Variants in ZNF318 observed in about 807,000 individuals in gnomAD.
ZNF318 encodes the protein zinc finger protein 318.
Under a neutral mutation model 124.2 loss-of-function variants are expected in ZNF318, and 51 were observed. The ratio of observed to expected loss-of-function variants is 0.41; its 90% CI spans 0.33 to 0.52. ZNF318 has a LOEUF of 0.52. Among genes scored for constraint, ZNF318 ranks in the 20% least tolerant of loss-of-function variants. ZNF318 has a pLI of 0.23. For missense variants in ZNF318, 2,815 were observed against 2,811.2 expected (o/e 1.00, Z -0.03); for synonymous variants, 1,090 against 1,040.7 (o/e 1.05, Z -0.91).
rs1562133587 is a variant in ZNF318, at chr6:43,355,159, TG to T, written c.2174del (p.Pro725GlnfsTer97). On this transcript the variant is annotated frameshift_variant, in exon 4 of 10. Coordinates refer to ENST00000361428, the MANE Select transcript of ZNF318 (RefSeq NM_014345.3). LOFTEE classifies it high-confidence loss of function. ...ACTGAAACCCACTACCAACCACCTC[TG>T]GTCCTGAAATATGACCCACTGGATG... is the stretch of plus-strand genomic sequence containing the variant. ...SDHPVGHISGPEVVGSGFQSS... is the reference protein window; with the variant it reads ...SDHPVGHISGXEVVGSGFQSS... The T allele has an allele frequency of 6.2e-7, 1 of 1,614,104 alleles. No homozygotes were observed. Among genetic ancestry groups the T allele is most frequent in the Non-Finnish European group, 8.5e-7 (1 of 1,180,040 alleles).
rs769466939 is a variant in ZNF318, at chr6:43,340,393, C to A, written c.3605G>T (p.Arg1202Leu). ...CTCCTTTGGTTTCTCACTAAGTTTG[C>A]GCTTTAGCTCACTCTGCCGTCGCCG... is the stretch of plus-strand genomic sequence containing the variant. ...TERRRQSELK[R>L]KLSEKPKEEK... The change falls in exon 10 of 10, where the codon CGC becomes CTC. Residue 1202 changes from arginine (R) to leucine (L), a missense_variant. By Grantham distance (102) the Arg-to-Leu change is moderately radical (BLOSUM62 -2). Transcript: ENST00000361428. 4 of 1,613,900 alleles carry A rather than the reference C, an allele frequency of 2.5e-6. No individual in the cohort carries two copies. Among genetic ancestry groups the A allele is most frequent in the Non-Finnish European group, 3.4e-6 (4 of 1,180,030 alleles).
In ZNF318 at chr6:43,356,094, A is replaced by G; in HGVS notation, c.1240T>C (p.Ser414Pro). 6.2e-7 allele frequency: 1 copy of G among 1,614,174 alleles called. No homozygotes were observed. ...TSSSQDHPLYSGHPSLPLSGA... is the reference protein window; with the variant it reads ...TSSSQDHPLYPGHPSLPLSGA... ...CTTAGTGGAAGGGATGGGTGCCCAG[A>G]GTAGAGAGGGTGATCCTGGCTGGAG... is the stretch of plus-strand genomic sequence containing the variant. Residue 414 changes from serine to proline, a missense_variant, in exon 4 of 10, where the codon TCT becomes CCT. Around this residue, in one of 4 missense-constraint regions of ZNF318, gnomAD observed 1,377 missense variants for 1,353.5 expected, o/e 1.02. Transcript: ENST00000361428.
rs144602640 is a variant in ZNF318 at position 43,357,616 on chromosome 6, C to A, written c.698G>T (p.Arg233Leu). ...DYRTKETFLH[R>L]SDYSPHISCH... ...ACTGATATGGGGACTATAATCAGAT[C>A]GATGCAGGAAAGTTTCTTTTGTTCG... The change falls in exon 3 of 10, where the codon CGA becomes CTA. Residue 233 changes from arginine (R) to leucine (L), a missense_variant. Arg to Leu is a moderately radical substitution (Grantham distance 102). Transcript: ENST00000361428. 3 of 1,613,974 alleles carry A rather than the reference C, an allele frequency of 1.9e-6. No individual in the cohort carries two copies. The highest frequency in any genetic ancestry group is 2.2e-5 in the South Asian group (2 of 91,064).
chr6:43,363,714 C>A, intron 2 of ZNF318: 1 of 555,896 alleles, frequency 1.8e-6, no homozygotes, highest in Non-Finnish European at 3.2e-6. Context: ...TCCTGGGGGC[C>A]TCTCTCAAGG....
intron 2 of ZNF318, among the ~76,000 whole-genome samples, chr6:43,363,322 C>G (rs1373405947): frequency 6.6e-6 from 1 of 152,212 alleles, no homozygotes; most frequent in Admixed American, 6.5e-5. Flanking sequence ...GCCAGAAGAG[C>G]AAGGGCTATT....
chr6:43,342,841 G>A lies in ZNF318; in HGVS notation c.3111C>T (p.Ser1037=). 1.2e-6 allele frequency: 2 copies of A among 1,613,844 alleles called. No homozygotes were observed. The highest frequency in any genetic ancestry group is 2.2e-5 in the South Asian group (2 of 91,072). Residue 1037 remains serine, a synonymous_variant, in exon 7 of 10, where the codon AGC becomes AGT. Transcript: ENST00000361428. ...ACTGGGGGCTTTCGGCAGGCTTGGG[G>A]CTCTTAGTACGAAACTTCTCATTGT... ...KVNNEKFRTK[S]PKPAESPQSA... is the part of the protein sequence containing the mutation.
rs1779344799 is a variant in ZNF318, at chr6:43,339,790, G to A, written c.4208C>T (p.Pro1403Leu). The A allele has an allele frequency of 1.2e-6, 2 of 1,614,070 alleles. No homozygotes were observed. The highest frequency in any genetic ancestry group is 2.2e-5 in the East Asian group (1 of 44,892). Reference sequence around the variant, plus strand: ...TCCAAATGCTTTGGAGATGATGTCTGGAGGTAAGAGGAGATCAGCTGAAGA... The same window carrying A: ...TCCAAATGCTTTGGAGATGATGTCTAGAGGTAAGAGGAGATCAGCTGAAGA... The part of the protein sequence containing the change: ...KESSADLLLP[P>L]DIISKAFGGE... Residue 1403 changes from proline to leucine, a missense_variant, in exon 10 of 10, where the codon CCA becomes CTA. Physicochemically the swap from Pro to Leu is moderately conservative, Grantham distance 98. Coordinates refer to ENST00000361428, the MANE Select transcript of ZNF318 (RefSeq NM_014345.3). This position sits in a 1 kb window ranked among gnomAD's most constrained non-coding sequence, Gnocchi z 4.2.
chr6:43,355,878 C>T lies in ZNF318; in HGVS notation c.1456G>A (p.Gly486Arg), dbSNP rs1223605813. The T allele has an allele frequency of 1.9e-6, 3 of 1,614,210 alleles. No individual in the cohort carries two copies. Among genetic ancestry groups the T allele is most frequent in the South Asian group, 1.1e-5 (1 of 91,090 alleles). Residue 486 changes from glycine to arginine, a missense_variant, in exon 4 of 10, where the codon GGA becomes AGA. Coordinates refer to ENST00000361428, the MANE Select transcript of ZNF318 (RefSeq NM_014345.3). ...AGGAAGTCTGTGTGTCGCTCAGGTCCCTCAGCCTTCAAATCCAAATTATCC... is the reference window on the plus strand; with the variant it reads ...AGGAAGTCTGTGTGTCGCTCAGGTCTCTCAGCCTTCAAATCCAAATTATCC... ...HKDNLDLKAE[G>R]PERHTDFLLP...
Position 43,339,630 on chromosome 6 carries a change from G to T in ZNF318, c.4368C>A (p.Pro1456=), listed in dbSNP as rs1225521736. 3 of 1,612,716 alleles carry T rather than the reference G, an allele frequency of 1.9e-6. No homozygotes were observed. Among genetic ancestry groups the T allele is most frequent in the Non-Finnish European group, 2.5e-6 (3 of 1,179,678 alleles). The part of the protein sequence containing the change: ...PPPPPPPPPP[P]VIPHPAAPSA... ...ACGGGGCAGCTGGATGAGGTATAAC[G>T]GGGGGTGGTGGAGGTGGTGGAGGTG... is the stretch of plus-strand genomic sequence containing the variant. Residue 1456 remains proline, a synonymous_variant, in exon 10 of 10, where the codon CCC becomes CCA. Coordinates refer to ENST00000361428, the MANE Select transcript of ZNF318 (RefSeq NM_014345.3). The surrounding 1 kb of genome is among the most constrained non-coding windows in gnomAD (Gnocchi z 4.2).
intron 2 of ZNF318, 150 bp from the exon 3 acceptor site, chr6:43,357,915 T>G: frequency 1.4e-6 from 1 of 701,540 alleles, no homozygotes; most frequent in Non-Finnish European, 2.3e-6. Flanking sequence ...CCTCTCCCTT[T>G]CCCCAGGGGA....
intron 2 of ZNF318, among the ~76,000 whole-genome samples, chr6:43,360,846 T>G (rs1244794737): frequency 6.6e-6 from 1 of 152,188 alleles, no homozygotes; most frequent in Non-Finnish European, 1.5e-5. Flanking sequence ...GACCACATAT[T>G]ATATGATTCT....
At chr6:43,343,853 T>A (rs1255976787) in intron 6 of ZNF318, among the ~76,000 whole-genome samples, 3 of 143,762 alleles carry the variant, frequency 2.1e-5, no homozygotes, top group Non-Finnish European at 3.1e-5. Context: ...AAAAAAAAAA[T>A]TTTAACACCG....
chr6:43,352,699 T>G (rs1201472064), intron 4 of ZNF318, among the ~76,000 whole-genome samples: 1 of 152,140 alleles, frequency 6.6e-6, no homozygotes, highest in African/African-American at 2.4e-5. Flanking sequence ...GTTTGTTTGT[T>G]TTTTGCAGGA....
chr6:43,362,295 T>C (rs1779692634), intron 2 of ZNF318, among the ~76,000 whole-genome samples: 1 of 150,890 alleles, frequency 6.6e-6, no homozygotes, highest in Non-Finnish European at 1.5e-5. Context: ...CTACTAAAAA[T>C]ACAAAAAATT....
chr6:43,350,549 C>A (rs948564115), intron 5 of ZNF318, among the ~76,000 whole-genome samples: 32 of 151,956 alleles, frequency 2.1e-4, no homozygotes, highest in African/African-American at 7.3e-4. Context: ...ATTTGATAAC[C>A]ATCACAGGCC....
At chr6:43,346,963 G>C (rs902686714) in intron 6 of ZNF318, among the ~76,000 whole-genome samples, 5 of 152,056 alleles carry the variant, frequency 3.3e-5, no homozygotes, top group African/African-American at 1.2e-4. Flanking sequence ...ATCAAATTAG[G>C]GGAACACATT....
At position 43,340,519 on chromosome 6, in the gene ZNF318, T is replaced by TA. The variant is rs746021371; in HGVS notation, c.3496-18dup. ...CACATATTTCTGGGAAGAAAAAAGA[T>TA]AAAGACTCAAAAACTGGTGAAAATA... On this transcript the variant is annotated splice_polypyrimidine_tract_variant and intron_variant, in intron 9 of 9. Transcript: ENST00000361428. 3.2e-6 allele frequency: 5 copies of TA among 1,565,206 alleles called. No homozygotes were observed. The South Asian group carries it at 6.0e-5, about 19-fold the overall frequency.
In ZNF318 at chr6:43,364,770, G is replaced by A. The variant is rs78465211; in HGVS notation, c.548+522C>T. On this transcript the variant is annotated intron_variant, in intron 2 of 9. Coordinates refer to ENST00000361428, the MANE Select transcript of ZNF318 (RefSeq NM_014345.3). ...ACTCAATAGTTGTAAAATAATAACT[G>A]AACTTAAACATTTTTGAAGGTCTCT... 5.2e-3 allele frequency among the ~76,000 whole-genome samples: 785 copies of A among 152,272 alleles called. 36 individuals carry two copies. In the East Asian group the frequency reaches 0.11, roughly 21 times the overall value.
chr6:43,356,746 C>A (rs1779612946), intron 3 of ZNF318, among the ~76,000 whole-genome samples: 2 of 152,218 alleles, frequency 1.3e-5, no homozygotes, highest in South Asian at 4.1e-4. Flanking sequence ...CAGTGTCCTA[C>A]AACTCATACA....
Sources: gnomAD v4.1 joint callset for allele counts (sites outside exome capture counted in the v4.1 genomes callset) on GRCh38, gnomAD v4.1.1 for gene constraint, gnomAD v4.1.1 regional missense constraint, Gnocchi (gnomAD v3.1) non-coding constraint, MANE v1.5 for transcripts, NCBI Gene and HGNC (gene_info 2026-07-23, HGNC 2026-07-21) for gene names.